Variants in ZC3H12B observed in about 807,000 individuals in gnomAD.
The protein encoded by ZC3H12B is probable ribonuclease ZC3H12B.
ZC3H12B carries 7 observed loss-of-function variants against 43.9 expected under a neutral mutation model. The ratio of observed to expected loss-of-function variants is 0.16; its 90% CI spans 0.09 to 0.30. The LOEUF (loss-of-function observed/expected upper bound fraction) is 0.30. ZC3H12B is among the 10% of genes least tolerant of loss of function. The pLI is 1.00. For synonymous variants in ZC3H12B, 222 were observed against 241.7 expected (o/e 0.92, Z 0.76); for missense variants, 475 against 670.2 (o/e 0.71, Z 3.22).
At chrX:65,503,116 C>G in exon 5 of ZC3H12B, 2 of 1,211,515 alleles carry the variant, frequency 1.7e-6, no homozygotes, top group Non-Finnish European at 2.2e-6. Context: ...TCCCTTCTAA[C>G]ATCGTCCTTG....
At chrX:65,123,378 T>C in the ZC3H12B span, among the ~76,000 whole-genome samples, 5 of 111,536 alleles carry the variant, frequency 4.5e-5, no homozygotes, top group African/African-American at 1.6e-4. Flanking sequence ...GATATTGTTC[T>C]AAAATTCTCT....
chrX:65,143,447 T>C, the ZC3H12B span, among the ~76,000 whole-genome samples: 1 of 111,526 alleles, frequency 9.0e-6, no homozygotes, highest in Non-Finnish European at 1.9e-5. Flanking sequence ...TCTATTGAGA[T>C]GATCAAGTGA....
intron 3 of ZC3H12B, among the ~76,000 whole-genome samples, chrX:65,453,115 C>T (rs2067543161): frequency 1.9e-5 from 2 of 107,411 alleles, no homozygotes; most frequent in Non-Finnish European, 1.9e-5. Flanking sequence ...ACCATAAGGC[C>T]ATCATCACCA....
the ZC3H12B span, among the ~76,000 whole-genome samples, chrX:65,212,263 T>TAATATATAA: frequency 2.2e-5 from 1 of 46,379 alleles, no homozygotes; most frequent in African/African-American, 1.3e-4. Flanking sequence ...ATATAATATA[T>TAATATATAA]TATATAATAT....
intron 3 of ZC3H12B, among the ~76,000 whole-genome samples, chrX:65,413,204 C>G (rs1472062885): frequency 2.7e-5 from 3 of 111,839 alleles, no homozygotes; most frequent in Non-Finnish European, 5.6e-5. Flanking sequence ...ATACTAGTCT[C>G]TTATCAGACA....
intron 1 of ZC3H12B, among the ~76,000 whole-genome samples, chrX:65,494,666 A>G (rs2068252023): frequency 9.2e-6 from 1 of 109,162 alleles, no homozygotes; most frequent in Admixed American, 1.0e-4. Context: ...TTGTAATCCC[A>G]GCTACTCGGG....
intron 3 of ZC3H12B, among the ~76,000 whole-genome samples, chrX:65,447,081 T>A (rs993810586): frequency 2.7e-5 from 3 of 111,859 alleles, no homozygotes; most frequent in Non-Finnish European, 3.8e-5. Flanking sequence ...ATTTGGGCTG[T>A]TTCAGCAATC....
chrX:65,502,859 C>A (rs763277063), exon 5 of ZC3H12B: 1 of 1,211,581 alleles, frequency 8.3e-7, no homozygotes, highest in South Asian at 1.8e-5. Context: ...AAGACGACCT[C>A]CCCTGTGCCG....
chrX:65,223,450 C>A, the ZC3H12B span, among the ~76,000 whole-genome samples: 1 of 112,296 alleles, frequency 8.9e-6, no homozygotes. Context: ...AAAGTAAATG[C>A]AACAAAGACA....
At chrX:65,262,553 T>G in the ZC3H12B span, among the ~76,000 whole-genome samples, 3 of 111,398 alleles carry the variant, frequency 2.7e-5, no homozygotes, top group Non-Finnish European at 5.7e-5. Flanking sequence ...AAGTTCCATC[T>G]CCCTACTATA....
At position 65,374,022 on chromosome X, in the gene ZC3H12B, G is replaced by GTA. The variant is rs768767221; in HGVS notation, n.295+5033_295+5034dup. 9.0e-3 allele frequency among the ~76,000 whole-genome samples: 330 copies of GTA among 36,863 alleles called. 5 individuals are homozygous for GTA. Among genetic ancestry groups the GTA allele is most frequent in the East Asian group, 0.028 (35 of 1,261 alleles). 32.0% of individuals were successfully genotyped at this position (36,863 alleles called of 115,157 possible). A position where few individuals can be genotyped will look rare whatever the true frequency, so the allele number is the denominator to read the frequency against. ...GTATATATATATAACTATATATACAGTATATATATAACTATATATACAGTA... is the reference window on the plus strand; with the variant it reads ...GTATATATATATAACTATATATACAGTATATATATATAACTATATATACAGTA... On this transcript the variant is annotated intron_variant and non_coding_transcript_variant, in intron 2 of 5. Transcript: ENST00000617377.
At chrX:65,124,817 G>A in the ZC3H12B span, among the ~76,000 whole-genome samples, 1 of 110,700 alleles carries the variant, frequency 9.0e-6, no homozygotes, top group East Asian at 2.8e-4. Flanking sequence ...TATTTCTGTT[G>A]TATCAGTTTT....
At chrX:65,396,954 T>C (rs1291474621) in intron 2 of ZC3H12B, among the ~76,000 whole-genome samples, 2 of 112,090 alleles carry the variant, frequency 1.8e-5, no homozygotes, top group South Asian at 3.7e-4. Flanking sequence ...TACCATTATG[T>C]AATGCCTTTC....
the ZC3H12B span, among the ~76,000 whole-genome samples, chrX:65,283,940 A>C: frequency 4.5e-5 from 5 of 111,201 alleles, no homozygotes; most frequent in East Asian, 1.1e-3. Flanking sequence ...TGATACAAGG[A>C]TGTGAGTGGT....
chrX:65,090,194 A>C, the ZC3H12B span, among the ~76,000 whole-genome samples: 1 of 112,160 alleles, frequency 8.9e-6, no homozygotes, highest in East Asian at 2.8e-4. Context: ...CATGTGAGTA[A>C]TGCCTTGTGC....
At chrX:65,052,122 C>G in the ZC3H12B span, among the ~76,000 whole-genome samples, 1 of 110,873 alleles carries the variant, frequency 9.0e-6, no homozygotes, top group African/African-American at 3.3e-5. Flanking sequence ...TTAATTATGT[C>G]TATTGTTTAG....
the ZC3H12B span, among the ~76,000 whole-genome samples, chrX:65,336,318 C>G: frequency 9.0e-6 from 1 of 111,331 alleles, no homozygotes; most frequent in Non-Finnish European, 1.9e-5. Context: ...ACCCTGGCAA[C>G]CCAGCCCGCT....
At chrX:65,497,204 T>C in exon 2 of ZC3H12B, 1 of 1,209,758 alleles carries the variant, frequency 8.3e-7, no homozygotes, top group South Asian at 1.8e-5. Flanking sequence ...ATAAAGGCCA[T>C]AAAGATATTA....
At chrX:65,263,481 G>A in the ZC3H12B span, among the ~76,000 whole-genome samples, 71 of 110,552 alleles carry the variant, frequency 6.4e-4, no homozygotes, top group African/African-American at 2.0e-3. Context: ...TGCATGGGAT[G>A]AATTAATGGA....
Sources: allele counts gnomAD v4.1 joint callset (sites outside exome capture counted in the v4.1 genomes callset), GRCh38; gene constraint gnomAD v4.1.1; transcripts MANE v1.5; gene names NCBI Gene and HGNC (gene_info 2026-07-23, HGNC 2026-07-21).